CREBBP: variants seen among roughly 807,000 people sequenced by gnomAD.
The protein encoded by CREBBP is CREB binding lysine acetyltransferase.
CREBBP carries 19 observed loss-of-function variants against 265.0 expected under a neutral mutation model. The observed-to-expected ratio is 0.07, with a 90% CI of 0.05 to 0.11. CREBBP has a LOEUF of 0.11. CREBBP is among the 10% of genes least tolerant of loss of function. The pLI, the probability that CREBBP is intolerant of heterozygous loss-of-function variation, is 1.00. For synonymous variants in CREBBP, 1,457 were observed against 1,223.7 expected (o/e 1.19, Z -3.98); for missense variants, 2,525 against 3,219.0 (o/e 0.78, Z 5.22).
intron 2 of CREBBP, among the ~76,000 whole-genome samples, chr16:3,849,444 T>TGTGGG (rs1567360560): frequency 4.0e-5 from 1 of 24,836 alleles, no homozygotes; most frequent in Non-Finnish European, 1.6e-4. Context: ...TGTGTGTGTG[T>TGTGGG]GTGTGTGTGT....
chr16:3,789,555 C>T (rs1366500789), intron 5 of CREBBP, among the ~76,000 whole-genome samples: 5 of 152,170 alleles, frequency 3.3e-5, no homozygotes, highest in Admixed American at 6.5e-5. Flanking sequence ...CAAAACCCAA[C>T]CTTAAGCCAA....
chr16:3,775,511 T>TG (rs1310059823), intron 11 of CREBBP, among the ~76,000 whole-genome samples: 1 of 152,220 alleles, frequency 6.6e-6, no homozygotes, highest in Non-Finnish European at 1.5e-5. Flanking sequence ...GCCTTAGCGC[T>TG]GCTGTAGTCA....
At chr16:3,767,468 G>A in intron 16 of CREBBP, 2 of 585,776 alleles carry the variant, frequency 3.4e-6, no homozygotes, top group Non-Finnish European at 6.0e-6. Context: ...ACCATCAGAA[G>A]ACAGCTCTGC....
At chr16:3,767,392 T>C (rs1421884253) in intron 16 of CREBBP, 1 of 397,266 alleles carries the variant, frequency 2.5e-6, no homozygotes, top group Non-Finnish European at 4.6e-6. Context: ...TATACTTTTA[T>C]GAGTAAAGCC....
intron 30 of CREBBP, 28 bp from the exon 31 acceptor site, chr16:3,729,902 G>C (rs2051865503): frequency 1.0e-5 from 16 of 1,598,338 alleles, no homozygotes; most frequent in Non-Finnish European, 1.4e-5. Context: ...GGACAGGCCG[G>C]TGTCAGCATG....
At chr16:3,762,920 G>A (rs914645824) in intron 16 of CREBBP, among the ~76,000 whole-genome samples, 3 of 151,936 alleles carry the variant, frequency 2.0e-5, no homozygotes, top group Non-Finnish European at 4.4e-5. Flanking sequence ...GACTACAGGC[G>A]CCTGTCACCA....
At position 3,740,422 on chromosome 16, in the gene CREBBP, C is replaced by G; in HGVS notation, c.4110G>C (p.Glu1370Asp). 1 of 1,614,184 alleles carries G rather than the reference C, an allele frequency of 6.2e-7. No homozygotes were observed. Among genetic ancestry groups the G allele is most frequent in the Non-Finnish European group, 8.5e-7 (1 of 1,180,038 alleles). The change falls in exon 24 of 31, where the codon GAG becomes GAC. Residue 1370 changes from glutamate to aspartate, a missense_variant. Around this residue, in one of 19 missense-constraint regions of CREBBP, gnomAD observed 252 missense variants for 452.5 expected, o/e 0.56. Coordinates refer to ENST00000262367, the MANE Select transcript of CREBBP (RefSeq NM_004380.3). ...RVVASSDKTV[E>D]VKPGMKSRFV... Reference sequence around the variant, plus strand: ...ACCGTGACTTCATCCCGGGCTTGACCTCCACCGTCTTGTCTGAGCTGGCCA... The same window carrying G: ...ACCGTGACTTCATCCCGGGCTTGACGTCCACCGTCTTGTCTGAGCTGGCCA...
At chr16:3,815,978 T>C (rs1428245858) in intron 2 of CREBBP, among the ~76,000 whole-genome samples, 1 of 152,186 alleles carries the variant, frequency 6.6e-6, no homozygotes, top group African/African-American at 2.4e-5. Flanking sequence ...CAGTTAATAG[T>C]AAAATTTATA....
At chr16:3,735,965 C>T (rs1053198842) in intron 28 of CREBBP, 71 bp downstream of exon 28, 57 of 1,613,152 alleles carry the variant, frequency 3.5e-5, no homozygotes, top group African/African-American at 6.7e-5. Flanking sequence ...AGTCGACACG[C>T]GCCTCCCAGC....
At chr16:3,840,158 T>C (rs1044933251) in intron 2 of CREBBP, among the ~76,000 whole-genome samples, 1 of 152,232 alleles carries the variant, frequency 6.6e-6, no homozygotes, top group Non-Finnish European at 1.5e-5. Flanking sequence ...ATGCTTAATA[T>C]AAAATTCCCT....
chr16:3,800,004 T>C (rs545223781), intron 3 of CREBBP, among the ~76,000 whole-genome samples: 85 of 152,258 alleles, frequency 5.6e-4, no homozygotes, highest in African/African-American at 2.0e-3. Flanking sequence ...GAACTAAATA[T>C]AAAAAATTAA....
chr16:3,778,627 A>G, intron 9 of CREBBP, 73 bp downstream of exon 9: 1 of 1,237,518 alleles, frequency 8.1e-7, no homozygotes, highest in East Asian at 2.3e-5. Context: ...ATTTCCAGAT[A>G]ACAAAGCAGA....
At chr16:3,739,809 G>A (rs1234370541) in intron 24 of CREBBP, 85 bp from the exon 25 acceptor site, 1 of 1,591,756 alleles carries the variant, frequency 6.3e-7, no homozygotes, top group African/African-American at 1.3e-5. Flanking sequence ...CTCTAACTCT[G>A]GCCACTGCAG....
At chr16:3,877,922 G>C (rs1315233973) in intron 1 of CREBBP, among the ~76,000 whole-genome samples, 1 of 152,206 alleles carries the variant, frequency 6.6e-6, no homozygotes, top group Non-Finnish European at 1.5e-5. Context: ...TGTAAAGGAA[G>C]GGGGAAAAGG....
intron 1 of CREBBP, among the ~76,000 whole-genome samples, chr16:3,860,099 C>T (rs567735284): frequency 6.6e-6 from 1 of 152,184 alleles, no homozygotes; most frequent in Non-Finnish European, 1.5e-5. Context: ...TCTGCTGCAG[C>T]ACCGAGTGCC....
At chr16:3,879,421 C>T (rs893813107) in intron 1 of CREBBP, among the ~76,000 whole-genome samples, 2 of 152,240 alleles carry the variant, frequency 1.3e-5, no homozygotes, top group Non-Finnish European at 2.9e-5. Flanking sequence ...ACTGCCCTAC[C>T]TTTGGCCGCG....
At chr16:3,840,190 A>G (rs759246270) in intron 2 of CREBBP, among the ~76,000 whole-genome samples, 8 of 152,244 alleles carry the variant, frequency 5.3e-5, no homozygotes, top group Non-Finnish European at 8.8e-5. Flanking sequence ...GTTAAGAATC[A>G]GATGACTTCA....
intron 3 of CREBBP, among the ~76,000 whole-genome samples, chr16:3,794,247 G>C (rs1705480240): frequency 6.9e-6 from 1 of 144,064 alleles, no homozygotes; most frequent in Non-Finnish European, 1.5e-5. Flanking sequence ...CAGGAGAATG[G>C]TGTGAACCCG....
intron 16 of CREBBP, 33 bp from the exon 17 acceptor site, chr16:3,759,005 T>TA (rs1455144831): frequency 6.6e-7 from 1 of 1,513,534 alleles, no homozygotes; most frequent in Admixed American, 1.7e-5. Flanking sequence ...AGACACTTTG[T>TA]AAAAGGTGCT....
Sources: gnomAD v4.1 joint callset for allele counts (sites outside exome capture counted in the v4.1 genomes callset) on GRCh38, gnomAD v4.1.1 for gene constraint, gnomAD v4.1.1 regional missense constraint, MANE v1.5 for transcripts, NCBI Gene and HGNC (gene_info 2026-07-23, HGNC 2026-07-21) for gene names.